Variants in FAM237A observed in about 807,000 individuals in gnomAD.
The protein encoded by FAM237A is family with sequence similarity 237 member A.
In FAM237A, 14 loss-of-function variants were observed where a neutral mutation model predicts 12.5. The observed-to-expected ratio is 1.12, with a 90% CI of 0.74 to 1.75. FAM237A has a LOEUF of 1.75. Ranked by LOEUF, FAM237A falls within the 40% of genes most tolerant of loss-of-function variation. FAM237A has a pLI of 0.00. For synonymous variants in FAM237A, 85 were observed against 77.5 expected (o/e 1.10, Z -0.51); for missense variants, 240 against 211.7 (o/e 1.13, Z -0.83).
intron 2 of FAM237A, among the ~76,000 whole-genome samples, chr2:206,645,608 T>C (rs1699308182): frequency 6.6e-6 from 1 of 152,218 alleles, no homozygotes; most frequent in African/African-American, 2.4e-5. Flanking sequence ...ACCTCCATAT[T>C]AAAATAGCAA....
chr2:206,647,996 T>C (rs190462228), intron 2 of FAM237A, among the ~76,000 whole-genome samples: 1 of 152,260 alleles, frequency 6.6e-6, no homozygotes, highest in East Asian at 1.9e-4. Flanking sequence ...TGGCCAATGC[T>C]CATAGTGCTT....
intron 1 of FAM237A, 42 bp from the exon 2 acceptor site, chr2:206,644,185 G>A: frequency 6.7e-7 from 1 of 1,499,402 alleles, no homozygotes. Flanking sequence ...ACTGAGCAGA[G>A]CACAAGCGGG....
intron 1 of FAM237A, 40 bp from the exon 2 acceptor site, chr2:206,644,187 A>T (rs1699287529): frequency 1.3e-6 from 2 of 1,504,582 alleles, no homozygotes; most frequent in Non-Finnish European, 1.8e-6. Flanking sequence ...TGAGCAGAGC[A>T]CAAGCGGGGA....
chr2:206,644,118 C>A, intron 1 of FAM237A, 109 bp from the exon 2 acceptor site: 1 of 1,037,966 alleles, frequency 9.6e-7, no homozygotes, highest in East Asian at 2.7e-5. Context: ...TACTTTGTGA[C>A]AATGATGTGT....
At chr2:206,645,021 G>A (rs1574580349) in intron 2 of FAM237A, among the ~76,000 whole-genome samples, 2 of 152,200 alleles carry the variant, frequency 1.3e-5, no homozygotes, top group East Asian at 3.8e-4. Context: ...ATGTTTACTT[G>A]CCGTGGAATT....
intron 2 of FAM237A, among the ~76,000 whole-genome samples, chr2:206,645,360 G>A (rs530641555): frequency 1.6e-4 from 24 of 152,148 alleles, no homozygotes; most frequent in Admixed American, 7.9e-4. Flanking sequence ...GTCCCTTATA[G>A]AATTAGAATG....
chr2:206,647,666 C>CACACACACACACACACAG (rs1303308418), intron 2 of FAM237A, among the ~76,000 whole-genome samples: 1 of 148,260 alleles, frequency 6.7e-6, no homozygotes, highest in African/African-American at 2.5e-5. Context: ...CACACACACA[C>CACACACACACACACACAG]AGAGAGAGTG....
Position 206,648,737 on chromosome 2 carries a change from G to A in FAM237A, c.489G>A (p.Val163=). ...ELIEDLISMH[V]RRSGSSVIGK... is the part of the protein sequence containing the mutation. The stretch of plus-strand genomic sequence containing the variant: ...TTGAAGATTTGATAAGCATGCATGT[G>A]CGTAGGAGTGGGTCTAGTGTCATTG... Residue 163 remains valine (V), a synonymous_variant, in exon 3 of 3, where the codon GTG becomes GTA. Coordinates refer to ENST00000441223, the MANE Select transcript of FAM237A (RefSeq NM_001102659.3). 1.3e-6 allele frequency: 2 copies of A among 1,572,002 alleles called. No homozygotes were observed. The highest frequency in any genetic ancestry group is 1.7e-6 in the Non-Finnish European group (2 of 1,156,880).
At chr2:206,648,149 A>C (rs1218372305) in intron 2 of FAM237A, among the ~76,000 whole-genome samples, 7 of 152,230 alleles carry the variant, frequency 4.6e-5, no homozygotes, top group Non-Finnish European at 1.0e-4. Flanking sequence ...ATCTACTGTT[A>C]AGAAACATTT....
chr2:206,644,240 G>T lies in FAM237A; in HGVS notation c.4G>T (p.Ala2Ser). The T allele has an allele frequency of 6.3e-7, 1 of 1,596,486 alleles. No homozygotes were observed. Among genetic ancestry groups the T allele is most frequent in the Non-Finnish European group, 8.5e-7 (1 of 1,171,118 alleles). Residue 2 changes from alanine to serine, a missense_variant, in exon 2 of 3, where the codon GCT becomes TCT. By Grantham distance (99) the Ala-to-Ser change is moderately conservative (BLOSUM62 1). Coordinates refer to ENST00000441223, the MANE Select transcript of FAM237A (RefSeq NM_001102659.3). ...CATCCTGTGCAGTTTTAGGGCCATG[G>T]CTGATCCTGGGAACAGAGGAGGGAT... M[A>S]DPGNRGGIHR...
At chr2:206,645,136 G>C (rs1439872613) in intron 2 of FAM237A, among the ~76,000 whole-genome samples, 1 of 152,188 alleles carries the variant, frequency 6.6e-6, no homozygotes, top group Non-Finnish European at 1.5e-5. Context: ...GAGGCTCTTT[G>C]AGAGGTATTC....
At position 206,648,819 on chromosome 2, in the gene FAM237A, C is replaced by A; in HGVS notation, c.*25C>A. 6.7e-7 allele frequency: 1 copy of A among 1,497,594 alleles called. No individual in the cohort carries two copies. Among genetic ancestry groups the A allele is most frequent in the Non-Finnish European group, 8.9e-7 (1 of 1,120,358 alleles). 92.8% of individuals were successfully genotyped at this position (1,497,594 alleles called of 1,614,324 possible). A position where few individuals can be genotyped will look rare whatever the true frequency, so the allele number is the denominator to read the frequency against. On this transcript the variant is annotated 3_prime_UTR_variant, in exon 3 of 3. Transcript: ENST00000441223. ...AATTGAACTCGGAGCTAATTCATGC[C>A]TTGGAATTAAATATACATATATATA... is the stretch of plus-strand genomic sequence containing the variant.
chr2:206,644,338 T>C lies in FAM237A; in HGVS notation c.102T>C (p.His34=). 6.2e-7 allele frequency: 1 copy of C among 1,613,658 alleles called. No individual in the cohort carries two copies. The highest frequency in any genetic ancestry group is 1.1e-5 in the South Asian group (1 of 90,954). ...GCTGTGTATCTCCTTTCTTCTGCCA[T>C]AGCCAGACAGACTTGCTGGCTCTTA... The part of the protein sequence containing the change: ...GMCCVSPFFC[H]SQTDLLALSQ... The change falls in exon 2 of 3, where the codon CAT becomes CAC. Residue 34 remains histidine (H), a synonymous_variant. Transcript: ENST00000441223.
chr2:206,648,198 G>A (rs1035390886), intron 2 of FAM237A, among the ~76,000 whole-genome samples: 1 of 152,098 alleles, frequency 6.6e-6, no homozygotes, highest in African/African-American at 2.4e-5. Flanking sequence ...GCTATTCATT[G>A]CAATATTATG....
intron 2 of FAM237A, among the ~76,000 whole-genome samples, chr2:206,645,714 G>T (rs1699309118): frequency 6.6e-6 from 1 of 151,980 alleles, no homozygotes; most frequent in Admixed American, 6.5e-5. Context: ...AAATCCTCAT[G>T]ATTTGCTAAT....
In FAM237A at chr2:206,648,960, T is replaced by G. The variant is rs1410004980; in HGVS notation, c.*166T>G. The G allele has an allele frequency of 1.0e-5, 4 of 399,334 alleles. No individual in the cohort carries two copies. Among genetic ancestry groups the G allele is most frequent in the African/African-American group, 8.5e-5 (4 of 46,854 alleles). The allele number at this position is 399,334 out of a possible 1,614,324, so 24.7% of individuals were successfully genotyped here. A position where few individuals can be genotyped will look rare whatever the true frequency, so the allele number is the denominator to read the frequency against. The stretch of plus-strand genomic sequence containing the variant: ...TTTAAAGCTGCCTTCTATTATTTAT[T>G]TATTTATTTTAGGCTGCTAGCATGT... On this transcript the variant is annotated 3_prime_UTR_variant, in exon 3 of 3. Transcript: ENST00000441223.
chr2:206,644,390 T>C lies in FAM237A; in HGVS notation c.154T>C (p.Ser52Pro). Residue 52 changes from serine (S) to proline (P), a missense_variant, in exon 2 of 3, where the codon TCC becomes CCC. Physicochemically the swap from Ser to Pro is moderately conservative, Grantham distance 74 (BLOSUM62 -1). Transcript: ENST00000441223. The stretch of plus-strand genomic sequence containing the variant: ...CCAAGCTGATCCTCAGTGCTGGGAA[T>C]CCTCCTCAGTGCTTCTCCTGGAAAT... ...LSQADPQCWE[S>P]SSVLLLEMWK... is the part of the protein sequence containing the mutation. The C allele has an allele frequency of 6.2e-7, 1 of 1,613,842 alleles. No homozygotes were observed. The highest frequency in any genetic ancestry group is 8.5e-7 in the Non-Finnish European group (1 of 1,179,798).
intron 2 of FAM237A, among the ~76,000 whole-genome samples, chr2:206,646,728 A>G (rs1699322082): frequency 6.6e-6 from 1 of 152,248 alleles, no homozygotes. Flanking sequence ...ACCATGTCCA[A>G]CAGTTAAATA....
intron 2 of FAM237A, 149 bp from the exon 3 acceptor site, chr2:206,648,512 A>G: frequency 1.4e-6 from 1 of 725,730 alleles, no homozygotes; most frequent in African/African-American, 1.8e-5. Context: ...ATACACACTT[A>G]CATATATTCC....
Sources: allele counts gnomAD v4.1 joint callset (sites outside exome capture counted in the v4.1 genomes callset), GRCh38; gene constraint gnomAD v4.1.1; transcripts MANE v1.5; gene names NCBI Gene and HGNC (gene_info 2026-07-23, HGNC 2026-07-21).